Variants in COL26A1 observed in about 807,000 individuals in gnomAD.
The protein encoded by COL26A1 is collagen type XXVI alpha 1 chain, also known as collagen alpha-1(XXVI) chain.
In COL26A1, 41 loss-of-function variants were observed where a neutral mutation model predicts 59.3. The ratio of observed to expected loss-of-function variants is 0.69; its 90% CI spans 0.54 to 0.90. The LOEUF is 0.90. Ranked by LOEUF, COL26A1 falls within the 40% of genes least tolerant of loss-of-function variation. COL26A1 has a pLI of 0.00. For missense variants in COL26A1, 612 were observed against 602.3 expected, an observed-to-expected ratio of 1.02 and a Z score of -0.17; for synonymous variants, 266 against 256.0, an observed-to-expected ratio of 1.04 and a Z score of -0.37.
chr7:101,398,449 G>T (rs1791909808), intron 1 of COL26A1, among the ~76,000 whole-genome samples: 2 of 152,142 alleles, frequency 1.3e-5, no homozygotes, highest in Admixed American at 1.3e-4. Flanking sequence ...CGGCAACCAA[G>T]TCCTCTTATT....
intron 4 of COL26A1, among the ~76,000 whole-genome samples, chr7:101,536,007 G>A (rs773840301): frequency 6.6e-6 from 1 of 152,168 alleles, no homozygotes; most frequent in South Asian, 2.1e-4. Context: ...CCATGCCCAC[G>A]TATGTTGAGA....
At chr7:101,484,561 G>T (rs946263136) in intron 3 of COL26A1, among the ~76,000 whole-genome samples, 4 of 151,430 alleles carry the variant, frequency 2.6e-5, no homozygotes, top group African/African-American at 9.7e-5. Context: ...AGTGGAGACA[G>T]GGTTTCACCA....
intron 3 of COL26A1, among the ~76,000 whole-genome samples, chr7:101,473,608 C>CA (rs1793956919): frequency 4.9e-5 from 7 of 143,374 alleles, no homozygotes; most frequent in South Asian, 2.3e-4. Context: ...CACCTTGTCT[C>CA]CACACACACA....
intron 3 of COL26A1, among the ~76,000 whole-genome samples, chr7:101,529,887 C>T (rs1795328326): frequency 6.6e-6 from 1 of 152,190 alleles, no homozygotes; most frequent in Non-Finnish European, 1.5e-5. Context: ...CCACAGAACA[C>T]AGCTACTAGA....
At chr7:101,461,057 C>T (rs190611927) in intron 3 of COL26A1, among the ~76,000 whole-genome samples, 1 of 152,254 alleles carries the variant, frequency 6.6e-6, no homozygotes, top group Admixed American at 6.5e-5. Flanking sequence ...TCATAGCTCA[C>T]TTCAATCTCC....
intron 8 of COL26A1, among the ~76,000 whole-genome samples, chr7:101,547,946 ACAT>A (rs1296029468): frequency 6.6e-6 from 1 of 152,246 alleles, no homozygotes; most frequent in African/African-American, 2.4e-5. Flanking sequence ...ATCAAAACAA[ACAT>A]CATCGAGAAA....
intron 3 of COL26A1, among the ~76,000 whole-genome samples, chr7:101,525,710 A>G (rs567823304): frequency 5.3e-5 from 8 of 151,666 alleles, no homozygotes; most frequent in South Asian, 4.2e-4. Context: ...GTTAGCCAGG[A>G]TGGTCTCGAT....
At chr7:101,408,683 A>G (rs1460449993) in intron 1 of COL26A1, among the ~76,000 whole-genome samples, 1 of 152,212 alleles carries the variant, frequency 6.6e-6, no homozygotes, top group African/African-American at 2.4e-5. Context: ...AAGAACCTCT[A>G]CATCCCATCT....
intron 3 of COL26A1, among the ~76,000 whole-genome samples, chr7:101,463,892 T>TCTTC (rs1311341684): frequency 5.9e-4 from 60 of 101,312 alleles, no homozygotes; most frequent in African/African-American, 2.8e-3. Context: ...TTTCTTTCTT[T>TCTTC]CTTTCTTTCT....
Position 101,525,850 on chromosome 7 carries a change from A to AC in COL26A1, c.386-7226dup, listed in dbSNP as rs1795236309. Among the ~76,000 whole-genome samples, 3 of 151,004 alleles carry AC rather than the reference A, an allele frequency of 2.0e-5. No homozygotes were observed. The Admixed American group carries it at 2.0e-4, about 10-fold the overall frequency. On this transcript the variant is annotated intron_variant, in intron 3 of 12. Coordinates refer to ENST00000313669, the MANE Select transcript of COL26A1 (RefSeq NM_001278563.3). ...CAAACGTAGAGACTTTCTTCCTTTG[A>AC]CCCCCCTCCTACATGGCAGTCCAGC...
At chr7:101,429,230 T>C (rs1265224346) in intron 2 of COL26A1, among the ~76,000 whole-genome samples, 1 of 152,040 alleles carries the variant, frequency 6.6e-6, no homozygotes, top group Non-Finnish European at 1.5e-5. Context: ...GGCCTCTGCT[T>C]TTTTTTCTAA....
rs1202317744 is a variant in COL26A1 at position 101,489,605 on chromosome 7, CTT to C, written c.385+41820_385+41821del. 6.8e-4 allele frequency among the ~76,000 whole-genome samples: 19 copies of C among 28,120 alleles called. 1 individual carries two copies. The highest frequency in any genetic ancestry group is 2.7e-3 in the South Asian group (2 of 742). 18.4% of individuals were successfully genotyped at this position (28,120 alleles called of 152,430 possible). A position where few individuals can be genotyped will look rare whatever the true frequency, so the allele number is the denominator to read the frequency against. ...ACACTCGGCTATTTTCTTTCTTTTT[CTT>C]TCTTTCTTTCTTTCTTTCTTTCTTT... On this transcript the variant is annotated intron_variant, in intron 3 of 12. Coordinates refer to ENST00000313669, the MANE Select transcript of COL26A1 (RefSeq NM_001278563.3).
At chr7:101,544,606 CACTG>C (rs1263743197) in intron 6 of COL26A1, among the ~76,000 whole-genome samples, 1 of 150,106 alleles carries the variant, frequency 6.7e-6, no homozygotes, top group Non-Finnish European at 1.5e-5. Context: ...AATCTCAGCT[CACTG>C]ACACCTCCAC....
chr7:101,448,444 A>G (rs192319593), intron 3 of COL26A1, among the ~76,000 whole-genome samples: 60 of 151,840 alleles, frequency 4.0e-4, no homozygotes, highest in African/African-American at 1.4e-3. Flanking sequence ...GTTCCCCAGC[A>G]TGGCTGGATG....
chr7:101,492,966 A>G (rs1236953107), intron 3 of COL26A1, among the ~76,000 whole-genome samples: 1 of 151,908 alleles, frequency 6.6e-6, no homozygotes, highest in East Asian at 2.0e-4. Flanking sequence ...GGCTCAAGTG[A>G]TCCTTCACTT....
intron 1 of COL26A1, among the ~76,000 whole-genome samples, chr7:101,391,997 C>G (rs1009453090): frequency 6.6e-5 from 10 of 151,946 alleles, no homozygotes; most frequent in Non-Finnish European, 1.2e-4. Context: ...GGATTACAGG[C>G]ATGAGCCACA....
At position 101,367,993 on chromosome 7, in the gene COL26A1, C is replaced by T. The variant is rs1278537208; in HGVS notation, c.158+4803C>T. 3.3e-5 allele frequency among the ~76,000 whole-genome samples: 5 copies of T among 151,984 alleles called. No individual in the cohort carries two copies. In the East Asian group the frequency reaches 9.6e-4, roughly 29 times the overall value. On this transcript the variant is annotated intron_variant, in intron 1 of 12. Coordinates refer to ENST00000313669, the MANE Select transcript of COL26A1 (RefSeq NM_001278563.3). Reference sequence around the variant, plus strand: ...TCTACAAGTCTCCTCCACTGTCTCCCTTCTTTTTGTTGCAATTTATTTGTT... The same window carrying T: ...TCTACAAGTCTCCTCCACTGTCTCCTTTCTTTTTGTTGCAATTTATTTGTT...
intron 1 of COL26A1, among the ~76,000 whole-genome samples, chr7:101,395,162 C>T (rs1416165703): frequency 2.6e-5 from 4 of 152,158 alleles, no homozygotes; most frequent in East Asian, 1.9e-4. Flanking sequence ...CATGAGCCAC[C>T]GCGCCCAGCC....
rs1793852732 is a variant in COL26A1, at chr7:101,469,857, T to G, written c.385+22070T>G. Among the ~76,000 whole-genome samples the G allele has an allele frequency of 2.6e-5, 4 of 152,078 alleles. No homozygotes were observed. The South Asian group carries it at 8.3e-4, about 32-fold the overall frequency. ...CCACTCACAGAACTCAGGAAAGCAC[T>G]TTGCTGATGGTTACCATCTTATTGT... On this transcript the variant is annotated intron_variant, in intron 3 of 12. Transcript: ENST00000313669.
Sources: allele counts gnomAD v4.1 joint callset (sites outside exome capture counted in the v4.1 genomes callset), GRCh38; gene constraint gnomAD v4.1.1; transcripts MANE v1.5; gene names NCBI Gene and HGNC (gene_info 2026-07-23, HGNC 2026-07-21).